Variants in CFAP210 observed in about 807,000 individuals in gnomAD.
CFAP210 encodes the protein cilia- and flagella- associated protein 210.
At chr2:169,678,310 C>T in the CFAP210 span, among the ~76,000 whole-genome samples, 1 of 136,960 alleles carries the variant, frequency 7.3e-6, no homozygotes, top group African/African-American at 2.8e-5. Context: ...CATTATACTC[C>T]AGCCTGGGCA....
At chr2:169,692,775 CA>C in the CFAP210 span, among the ~76,000 whole-genome samples, 3 of 152,180 alleles carry the variant, frequency 2.0e-5, no homozygotes, top group African/African-American at 7.2e-5. Flanking sequence ...AAGGAACTAT[CA>C]AACATGTCGA....
the CFAP210 span, among the ~76,000 whole-genome samples, chr2:169,667,051 G>A: frequency 6.6e-6 from 1 of 151,536 alleles, no homozygotes; most frequent in Non-Finnish European, 1.5e-5. Context: ...ACCCCTCAAA[G>A]TCATCCATGA....
the CFAP210 span, among the ~76,000 whole-genome samples, chr2:169,653,563 A>G: frequency 6.6e-6 from 1 of 151,210 alleles, no homozygotes; most frequent in African/African-American, 2.4e-5. Flanking sequence ...AATATAAGCA[A>G]TGTCCTCTAA....
At chr2:169,649,118 C>G in the CFAP210 span, 6 of 1,385,686 alleles carry the variant, frequency 4.3e-6, no homozygotes, top group Non-Finnish European at 5.8e-6. Flanking sequence ...GAGTAGAAAA[C>G]TAGCATGAAT....
chr2:169,679,550 A>G, the CFAP210 span, among the ~76,000 whole-genome samples: 90,538 of 151,704 alleles, frequency 0.6, 27,669 homozygotes, highest in African/African-American at 0.73. Flanking sequence ...GCATGGTTGC[A>G]GATGCCTGTA....
the CFAP210 span, among the ~76,000 whole-genome samples, chr2:169,647,751 A>G: frequency 5.9e-5 from 9 of 152,340 alleles, no homozygotes; most frequent in African/African-American, 2.2e-4. Context: ...TCAATGGAGT[A>G]AAAAGGTAAC....
the CFAP210 span, chr2:169,650,344 T>G: frequency 2.5e-6 from 4 of 1,592,696 alleles, no homozygotes; most frequent in Non-Finnish European, 3.4e-6. Context: ...TGGCTCGATA[T>G]TCTGCAATTG....
chr2:169,690,050 C>T, the CFAP210 span, among the ~76,000 whole-genome samples: 2 of 151,948 alleles, frequency 1.3e-5, no homozygotes, highest in Non-Finnish European at 2.9e-5. Flanking sequence ...CAGGCTGGAG[C>T]GCAGTGGCTA....
At chr2:169,677,194 T>C in the CFAP210 span, among the ~76,000 whole-genome samples, 21 of 152,192 alleles carry the variant, frequency 1.4e-4, no homozygotes, top group Non-Finnish European at 1.2e-4. Flanking sequence ...TCGAGTACTC[T>C]GGCTTTCTGC....
the CFAP210 span, among the ~76,000 whole-genome samples, chr2:169,692,758 A>AT: frequency 5.9e-5 from 9 of 152,308 alleles, no homozygotes; most frequent in Non-Finnish European, 1.3e-4. Flanking sequence ...CATGAGTGAG[A>AT]TTTTCCAAGG....
At chr2:169,680,480 A>G in the CFAP210 span, among the ~76,000 whole-genome samples, 3 of 152,256 alleles carry the variant, frequency 2.0e-5, no homozygotes, top group African/African-American at 7.2e-5. Context: ...TGTTTGTAAT[A>G]GCCAAAAAGG....
the CFAP210 span, among the ~76,000 whole-genome samples, chr2:169,659,905 C>A: frequency 1.3e-5 from 2 of 152,222 alleles, no homozygotes; most frequent in East Asian, 3.9e-4. Flanking sequence ...AGGAACTTAT[C>A]CATGTATTCT....
the CFAP210 span, among the ~76,000 whole-genome samples, chr2:169,681,666 C>T: frequency 6.6e-6 from 1 of 152,236 alleles, no homozygotes; most frequent in Non-Finnish European, 1.5e-5. Context: ...CCTCTTCCCA[C>T]TGAGCAGCAG....
At chr2:169,682,360 G>A in the CFAP210 span, among the ~76,000 whole-genome samples, 7 of 152,212 alleles carry the variant, frequency 4.6e-5, no homozygotes, top group African/African-American at 2.4e-5. Context: ...CATGGCAACC[G>A]GCTTTGTGTA....
chr2:169,672,635 G>A, the CFAP210 span, among the ~76,000 whole-genome samples: 1 of 152,174 alleles, frequency 6.6e-6, no homozygotes, highest in African/African-American at 2.4e-5. Context: ...GAAGCATCTG[G>A]CACCAATAGA....
At chr2:169,675,141 G>A in the CFAP210 span, 1 of 880,748 alleles carries the variant, frequency 1.1e-6, no homozygotes, top group Admixed American at 4.0e-5. Context: ...TGTTTTTATT[G>A]TATTTGTAAT....
the CFAP210 span, chr2:169,646,045 T>G: frequency 6.2e-7 from 1 of 1,613,848 alleles, no homozygotes; most frequent in African/African-American, 1.3e-5. Context: ...ATTTATTTGT[T>G]GTTTCCGATT....
the CFAP210 span, among the ~76,000 whole-genome samples, chr2:169,677,181 G>C: frequency 6.6e-6 from 1 of 152,298 alleles, no homozygotes; most frequent in African/African-American, 2.4e-5. Flanking sequence ...GTTCTTCACA[G>C]TTTCGAGTAC....
chr2:169,656,565 TTTC>T, the CFAP210 span, among the ~76,000 whole-genome samples: 11 of 152,116 alleles, frequency 7.2e-5, no homozygotes, highest in Non-Finnish European at 1.0e-4. Flanking sequence ...ACCTTCATCC[TTTC>T]TTCTTTCTTG....
Sources: gnomAD v4.1 joint callset for allele counts (sites outside exome capture counted in the v4.1 genomes callset) on GRCh38, gnomAD v4.1.1 for gene constraint, MANE v1.5 for transcripts, NCBI Gene and HGNC (gene_info 2026-07-23, HGNC 2026-07-21) for gene names.